The following CFAP54 variants were observed in gnomAD, a reference collection of about 807,000 sequenced individuals.
The protein encoded by CFAP54 is cilia and flagella associated protein 54, also known as cilia- and flagella-associated protein 54.
Under a neutral mutation model 370.4 loss-of-function variants are expected in CFAP54, and 290 were observed. The observed-to-expected ratio is 0.78, with a 90% CI of 0.71 to 0.86. The LOEUF is 0.86. Among genes scored for constraint, CFAP54 ranks in the 40% least tolerant of loss-of-function variants. The pLI is 0.00. For missense variants in CFAP54, 3,399 were observed against 3,528.7 expected (o/e 0.96, Z 0.93); for synonymous variants, 1,206 against 1,236.5 (o/e 0.98, Z 0.52).
chr12:96,674,989 A>C (rs1241554008), intron 39 of CFAP54, among the ~76,000 whole-genome samples: 1 of 152,196 alleles, frequency 6.6e-6, no homozygotes, highest in Non-Finnish European at 1.5e-5. Flanking sequence ...AAACCCTAGA[A>C]GAAAACCTAG....
chr12:96,589,689 CTA>C, intron 23 of CFAP54, 126 bp downstream of exon 23: 2 of 629,844 alleles, frequency 3.2e-6, no homozygotes, highest in Non-Finnish European at 5.4e-6. Context: ...TTTCTAATAA[CTA>C]TTGTAATAAG....
At chr12:96,572,635 G>A (rs947118131) in intron 19 of CFAP54, among the ~76,000 whole-genome samples, 16 of 152,142 alleles carry the variant, frequency 1.1e-4, no homozygotes, top group Non-Finnish European at 1.5e-5. Flanking sequence ...GAAGAGACTA[G>A]AAAGAGACTG....
intron 26 of CFAP54, among the ~76,000 whole-genome samples, chr12:96,612,987 A>G (rs1956375663): frequency 6.6e-6 from 1 of 152,138 alleles, no homozygotes; most frequent in Admixed American, 6.6e-5. Flanking sequence ...AAAAGGATAT[A>G]CAGGAACTGA....
intron 66 of CFAP54, among the ~76,000 whole-genome samples, chr12:96,844,590 T>C (rs1286263116): frequency 6.6e-6 from 1 of 152,204 alleles, no homozygotes; most frequent in East Asian, 1.9e-4. Context: ...CAGTAAGAAA[T>C]GAATACATAA....
At chr12:96,658,189 T>C (rs1394191865) in intron 37 of CFAP54, 22 bp from the exon 38 acceptor site, 14 of 1,592,296 alleles carry the variant, frequency 8.8e-6, no homozygotes, top group African/African-American at 1.4e-5. Flanking sequence ...TTCTTTTTAA[T>C]GTATTCTTTA....
At chr12:96,846,457 G>T (rs1048691054) in intron 66 of CFAP54, among the ~76,000 whole-genome samples, 1 of 152,132 alleles carries the variant, frequency 6.6e-6, no homozygotes, top group African/African-American at 2.4e-5. Flanking sequence ...CTCTTTACAG[G>T]TTGAAAAATT....
intron 66 of CFAP54, among the ~76,000 whole-genome samples, chr12:96,844,576 G>A (rs1027060489): frequency 1.3e-5 from 2 of 152,224 alleles, no homozygotes; most frequent in Non-Finnish European, 2.9e-5. Flanking sequence ...ATTTGTTACA[G>A]CAGCAGTAAG....
At chr12:96,703,813 T>C (rs1428807608) in intron 46 of CFAP54, among the ~76,000 whole-genome samples, 1 of 152,190 alleles carries the variant, frequency 6.6e-6, no homozygotes, top group Non-Finnish European at 1.5e-5. Context: ...GGAGTGTAAA[T>C]TGAGCCAGAC....
chr12:96,516,257 GAAA>G (rs1565881330), intron 5 of CFAP54, among the ~76,000 whole-genome samples: 1 of 152,098 alleles, frequency 6.6e-6, no homozygotes, highest in African/African-American at 2.4e-5. Context: ...CTGAGGCTGG[GAAA>G]AGTTACTTTG....
intron 26 of CFAP54, among the ~76,000 whole-genome samples, chr12:96,613,373 T>C (rs545818397): frequency 5.3e-5 from 8 of 152,288 alleles, no homozygotes; most frequent in East Asian, 1.9e-4. Context: ...TAAGGCAGTG[T>C]GTAGAGGGAA....
chr12:96,642,266 A>G (rs544568688), intron 32 of CFAP54, among the ~76,000 whole-genome samples: 17 of 152,182 alleles, frequency 1.1e-4, no homozygotes, highest in Admixed American at 7.2e-4. Flanking sequence ...CAAGATGTTC[A>G]TCTTGTACAC....
At chr12:96,793,840 G>A (rs1419867133) in intron 63 of CFAP54, among the ~76,000 whole-genome samples, 2 of 151,934 alleles carry the variant, frequency 1.3e-5, no homozygotes, top group African/African-American at 4.8e-5. Flanking sequence ...ATGTTTGTTG[G>A]CCATTTGTAT....
intron 28 of CFAP54, among the ~76,000 whole-genome samples, chr12:96,625,109 C>T (rs1956536009): frequency 6.6e-6 from 1 of 152,086 alleles, no homozygotes; most frequent in South Asian, 2.1e-4. Flanking sequence ...TAGTTTTGTA[C>T]AGTGTTTTCT....
chr12:96,817,624 GTTA>G, intron 64 of CFAP54, 148 bp from the exon 65 acceptor site: 1 of 140,338 alleles, frequency 7.1e-6, no homozygotes, highest in South Asian at 4.3e-4. Context: ...GTTTCACCAT[GTTA>G]GCCAGGATGG....
At chr12:96,664,689 GTATATA>G (rs1274516967) in intron 39 of CFAP54, among the ~76,000 whole-genome samples, 1 of 26,298 alleles carries the variant, frequency 3.8e-5, no homozygotes, top group African/African-American at 2.0e-4. Flanking sequence ...ATTCCTTTGG[GTATATA>G]TCTATATATA....
intron 39 of CFAP54, among the ~76,000 whole-genome samples, chr12:96,664,748 T>G (rs1349062477): frequency 6.8e-5 from 2 of 29,280 alleles, no homozygotes; most frequent in Non-Finnish European, 1.3e-4. Context: ...TCTATATATA[T>G]ATATATCTAT....
At chr12:96,627,840 A>G (rs1319873764) in intron 30 of CFAP54, among the ~76,000 whole-genome samples, 1 of 152,218 alleles carries the variant, frequency 6.6e-6, no homozygotes. Context: ...CCAAAGAAAA[A>G]CAGAAGATAC....
intron 60 of CFAP54, among the ~76,000 whole-genome samples, chr12:96,777,219 G>A (rs188567209): frequency 6.6e-6 from 1 of 152,172 alleles, no homozygotes; most frequent in Non-Finnish European, 1.5e-5. Flanking sequence ...GACAGCCATT[G>A]CACTTCAGTA....
chr12:96,638,644 T>A (rs990613670), intron 32 of CFAP54, among the ~76,000 whole-genome samples: 1 of 152,212 alleles, frequency 6.6e-6, no homozygotes, highest in Admixed American at 6.5e-5. Flanking sequence ...TTATATATCA[T>A]TGCTTTGATT....
Sources: gnomAD v4.1 joint callset for allele counts (sites outside exome capture counted in the v4.1 genomes callset) on GRCh38, gnomAD v4.1.1 for gene constraint, MANE v1.5 for transcripts, NCBI Gene and HGNC (gene_info 2026-07-23, HGNC 2026-07-21) for gene names.